Variants in DMXL1 observed in about 807,000 individuals in gnomAD.
DMXL1 encodes the protein Dmx like 1, also known as dmX-like protein 1.
Under a neutral mutation model 319.2 loss-of-function variants are expected in DMXL1, and 99 were observed. The observed-to-expected ratio is 0.31, with a 90% CI of 0.26 to 0.37. The LOEUF is 0.37. Among genes scored for constraint, DMXL1 ranks in the 10% least tolerant of loss-of-function variants. The probability of loss-of-function intolerance (pLI) is 1.00; values close to 1 mark genes in which losing one functional copy is unlikely to be tolerated. For missense variants in DMXL1, 3,745 were observed against 3,595.6 expected, an observed-to-expected ratio of 1.04 and a Z score of -1.06; for synonymous variants, 1,385 against 1,235.2, an observed-to-expected ratio of 1.12 and a Z score of -2.54.
Position 119,133,243 on chromosome 5 carries a change from A to G in DMXL1, c.1427A>G (p.Asp476Gly), listed in dbSNP as rs761361495. 3.1e-6 allele frequency: 5 copies of G among 1,614,200 alleles called. No individual in the cohort carries two copies. The South Asian group carries it at 4.4e-5, about 14-fold the overall frequency. The change falls in exon 11 of 44, where the codon GAT becomes GGT. Residue 476 changes from aspartate (D) to glycine (G), a missense_variant. Asp to Gly is a moderately conservative substitution (Grantham distance 94, BLOSUM62 -1). Around this residue, in one of 4 missense-constraint regions of DMXL1, gnomAD observed 2,096 missense variants for 1,985.4 expected, o/e 1.06. Transcript: ENST00000539542. ...ACATCATTATCGTCAGCTGCCATTG[A>G]TCATCAGATTGAAGTACTTCTGTCT... ...SFTSLSSAAIDHQIEVLLSEW... is the reference protein window; with the variant it reads ...SFTSLSSAAIGHQIEVLLSEW...
intron 1 of DMXL1, among the ~76,000 whole-genome samples, chr5:119,071,956 T>G (rs1231067708): frequency 1.3e-5 from 2 of 152,188 alleles, no homozygotes; most frequent in Non-Finnish European, 2.9e-5. Context: ...AAATCTTTGT[T>G]GAGTAACGAG....
Position 119,105,160 on chromosome 5 carries a change from A to G in DMXL1, c.286-20A>G, listed in dbSNP as rs1157783268. 3.9e-6 allele frequency: 6 copies of G among 1,541,440 alleles called. 1 individual carries two copies. In the South Asian group the frequency reaches 5.6e-5, roughly 14 times the overall value. On this transcript the variant is annotated intron_variant, in intron 3 of 43. Transcript: ENST00000539542. ...AAATATGCCAATCATAATGGGCTAA[A>G]TGACTTTTCTTAATTTTAGGAATTA...
chr5:119,128,762 G>C (rs74382249), intron 9 of DMXL1, among the ~76,000 whole-genome samples: 2 of 152,170 alleles, frequency 1.3e-5, no homozygotes, highest in Admixed American at 6.5e-5. Flanking sequence ...CTAAAAAATA[G>C]TATTTAAAAA....
In DMXL1 at chr5:119,199,349, T is replaced by C. The variant is rs562420091; in HGVS notation, c.7745+1393T>C. ...TTGGTTTTCTGTTCTTGTGCTAGTTTGCTAAGGATAGTAACCTCCAGCTCC... is the reference window on the plus strand; with the variant it reads ...TTGGTTTTCTGTTCTTGTGCTAGTTCGCTAAGGATAGTAACCTCCAGCTCC... On this transcript the variant is annotated intron_variant, in intron 32 of 43. Coordinates refer to ENST00000539542, the MANE Select transcript of DMXL1 (RefSeq NM_001290321.3). 4.6e-5 allele frequency among the ~76,000 whole-genome samples: 7 copies of C among 152,332 alleles called. No homozygotes were observed. In the South Asian group the frequency reaches 1.4e-3, roughly 32 times the overall value.
chr5:119,120,878 C>A, intron 8 of DMXL1, 93 bp from the exon 9 acceptor site: 2 of 1,019,540 alleles, frequency 2.0e-6, no homozygotes, highest in Non-Finnish European at 2.7e-6. Context: ...ATGTTCTGAG[C>A]TAGGATATAT....
chr5:119,148,699 C>T, intron 17 of DMXL1, 40 bp from the exon 18 acceptor site: 1 of 1,565,584 alleles, frequency 6.4e-7, no homozygotes, highest in Non-Finnish European at 8.7e-7. Flanking sequence ...AAGTATTTAA[C>T]CAAATTTGAC....
chr5:119,147,927 C>T (rs1768948616), intron 17 of DMXL1, among the ~76,000 whole-genome samples: 1 of 152,200 alleles, frequency 6.6e-6, no homozygotes, highest in African/African-American at 2.4e-5. Flanking sequence ...TTGGCCACTC[C>T]ATTTCTTGGG....
chr5:119,136,146 T>A (rs953264347), intron 13 of DMXL1, among the ~76,000 whole-genome samples: 1 of 152,246 alleles, frequency 6.6e-6, no homozygotes, highest in African/African-American at 2.4e-5. Context: ...AGATCACTCA[T>A]GTTAATGCTT....
chr5:119,160,608 G>A lies in DMXL1; in HGVS notation c.4703-3899G>A, dbSNP rs539094790. On this transcript the variant is annotated intron_variant, in intron 19 of 43. Transcript: ENST00000539542. ...ATGGTCTGTCCTTTGTTGCAAGTAG[G>A]GTATTGAATCCCCCTATTATTACTG... is the stretch of plus-strand genomic sequence containing the variant. Among the ~76,000 whole-genome samples, 169 of 151,962 alleles carry A rather than the reference G, an allele frequency of 1.1e-3. 1 individual carries two copies. The highest frequency in any genetic ancestry group is 3.4e-3 in the Middle Eastern group (1 of 294).
At chr5:119,124,262 C>G (rs931909694) in intron 9 of DMXL1, among the ~76,000 whole-genome samples, 2 of 151,168 alleles carry the variant, frequency 1.3e-5, no homozygotes, top group Non-Finnish European at 2.9e-5. Context: ...TTGTAGTGAG[C>G]CGAGATTACA....
At chr5:119,156,965 C>T (rs1433123130) in intron 19 of DMXL1, among the ~76,000 whole-genome samples, 3 of 150,570 alleles carry the variant, frequency 2.0e-5, no homozygotes, top group Non-Finnish European at 4.4e-5. Flanking sequence ...GTTGGACATT[C>T]ATATGTCTTC....
rs984401909 is a variant in DMXL1, at chr5:119,071,362, C to T, written c.-208C>T. 1.8e-6 allele frequency: 1 copy of T among 552,266 alleles called. No individual in the cohort carries two copies. Among genetic ancestry groups the T allele is most frequent in the African/African-American group, 2.0e-5 (1 of 48,956 alleles). The allele number at this position is 552,266 out of a possible 1,614,324, so 34.2% of individuals were successfully genotyped here. On this transcript the variant is annotated 5_prime_UTR_variant, in exon 1 of 44. Transcript: ENST00000539542. The stretch of plus-strand genomic sequence containing the variant: ...AGGAGCGCGGCGCTCCGCCCTCTCG[C>T]CGACCCGCCCCCTCCGGGCCTCGCC...
chr5:119,206,809 A>G (rs1457433332), intron 33 of DMXL1, 25 bp from the exon 34 acceptor site: 15 of 1,441,602 alleles, frequency 1.0e-5, no homozygotes, highest in Non-Finnish European at 1.3e-5. Context: ...ACTCTTTGTC[A>G]TGTGGTTATT....
At chr5:119,107,874 G>T (rs1758703700) in intron 4 of DMXL1, among the ~76,000 whole-genome samples, 1 of 152,094 alleles carries the variant, frequency 6.6e-6, no homozygotes, top group Non-Finnish European at 1.5e-5. Flanking sequence ...CTGTGCTAGA[G>T]ACTTTGTGCA....
chr5:119,163,653 A>G (rs1405766478), intron 19 of DMXL1, among the ~76,000 whole-genome samples: 3 of 152,178 alleles, frequency 2.0e-5, no homozygotes, highest in African/African-American at 4.8e-5. Context: ...CAGTGGCACA[A>G]TCTCGGCTCA....
At chr5:119,228,099 C>CAT (rs1785937363) in intron 38 of DMXL1, among the ~76,000 whole-genome samples, 1 of 152,206 alleles carries the variant, frequency 6.6e-6, no homozygotes, top group Admixed American at 6.5e-5. Context: ...TTCAGCCTCT[C>CAT]ATACTTAATT....
chr5:119,071,050 C>T (rs984897644), upstream of DMXL1, among the ~76,000 whole-genome samples: 1 of 152,150 alleles, frequency 6.6e-6, no homozygotes, highest in Non-Finnish European at 1.5e-5. Flanking sequence ...GCAGCTGCCC[C>T]GAGCGAAGTC....
Position 119,170,190 on chromosome 5 carries a change from A to G in DMXL1, c.5399A>G (p.Asp1800Gly), listed in dbSNP as rs542702279. 8.2e-6 allele frequency: 13 copies of G among 1,587,942 alleles called. No homozygotes were observed. Among genetic ancestry groups the G allele is most frequent in the Admixed American group, 7.4e-5 (4 of 53,900 alleles). Reference protein sequence around the residue: ...LIKQPIRENDDQVLSASNPTV... With the variant: ...LIKQPIRENDGQVLSASNPTV... The stretch of plus-strand genomic sequence containing the variant: ...GCTCATAAAATGAATTTACTTTCAG[A>G]TCAAGTTTTATCAGCCAGTAATCCT... The change falls in exon 24 of 44, where the codon GAT becomes GGT. Residue 1800 changes from aspartate to glycine, a missense_variant and splice_region_variant. By Grantham distance (94) the Asp-to-Gly change is moderately conservative (BLOSUM62 -1). This residue lies in a region of DMXL1 where 1,382 missense variants were observed against 1,269.5 expected (regional missense o/e 1.09). Coordinates refer to ENST00000539542, the MANE Select transcript of DMXL1 (RefSeq NM_001290321.3).
At chr5:119,136,889 A>G (rs1766120965) in intron 13 of DMXL1, among the ~76,000 whole-genome samples, 1 of 152,254 alleles carries the variant, frequency 6.6e-6, no homozygotes, top group Non-Finnish European at 1.5e-5. Context: ...AACTTCTACT[A>G]GGGCAATGCA....
Sources: allele counts gnomAD v4.1 joint callset (sites outside exome capture counted in the v4.1 genomes callset), GRCh38; gene constraint gnomAD v4.1.1; regional missense constraint gnomAD v4.1.1; transcripts MANE v1.5; gene names NCBI Gene and HGNC (gene_info 2026-07-23, HGNC 2026-07-21).